MDGA2: variants seen among roughly 807,000 people sequenced by gnomAD.
MDGA2 encodes the protein MAM domain-containing glycosylphosphatidylinositol anchor protein 2.
A neutral mutation model predicts 117.8 loss-of-function variants in MDGA2; 40 were observed. The ratio of observed to expected loss-of-function variants is 0.34; its 90% confidence interval spans 0.26 to 0.44. The LOEUF (loss-of-function observed/expected upper bound fraction) is 0.44, where lower values mean the gene tolerates loss of function less well. Ranked by LOEUF, MDGA2 falls within the 20% of genes least tolerant of loss-of-function variation. The pLI, the probability that MDGA2 is intolerant of heterozygous loss-of-function variation, is 1.00. For missense variants in MDGA2, 1,123 were observed against 1,250.6 expected (o/e 0.90, Z 1.54); for synonymous variants, 452 against 439.0 (o/e 1.03, Z -0.37).
intron 8 of MDGA2, among the ~76,000 whole-genome samples, chr14:46,983,885 G>C (rs1886772331): frequency 6.6e-6 from 1 of 151,736 alleles, no homozygotes; most frequent in African/African-American, 2.4e-5. Flanking sequence ...AAATTAGTTT[G>C]AATATTTATT....
chr14:47,581,730 A>T (rs142401225), intron 1 of MDGA2, among the ~76,000 whole-genome samples: 1,752 of 152,008 alleles, frequency 0.012, 18 homozygotes, highest in Middle Eastern at 0.02. Context: ...CCAGTGGCCA[A>T]TGGTCCCAAA....
intron 8 of MDGA2, 128 bp downstream of exon 8, chr14:47,034,883 C>A: frequency 2.5e-6 from 2 of 804,316 alleles, no homozygotes; most frequent in East Asian, 2.6e-5. Flanking sequence ...TTCATTCAAT[C>A]CAATGTAGAA....
intron 6 of MDGA2, among the ~76,000 whole-genome samples, chr14:47,069,653 G>A (rs549971994): frequency 1.2e-4 from 18 of 152,290 alleles, no homozygotes; most frequent in African/African-American, 4.3e-4. Flanking sequence ...AAGCCATGGA[G>A]TTTTCCCTTG....
At chr14:47,126,425 T>C (rs145749362) in intron 5 of MDGA2, among the ~76,000 whole-genome samples, 9 of 152,116 alleles carry the variant, frequency 5.9e-5, no homozygotes, top group Non-Finnish European at 1.3e-4. Flanking sequence ...GTGTGATACA[T>C]AATGACACTT....
intron 8 of MDGA2, among the ~76,000 whole-genome samples, chr14:46,999,453 C>A (rs1887424105): frequency 6.6e-6 from 1 of 151,866 alleles, no homozygotes; most frequent in South Asian, 2.1e-4. Flanking sequence ...TTACTAGATT[C>A]TAAATGAAGT....
intron 9 of MDGA2, among the ~76,000 whole-genome samples, chr14:46,951,763 C>T (rs77246423): frequency 0.12 from 17,890 of 151,930 alleles, 2,010 homozygotes; most frequent in African/African-American, 0.27. Flanking sequence ...AACAGTCTGA[C>T]TGCAGCCTTG....
At chr14:46,872,402 A>G (rs1336944809) in intron 14 of MDGA2, among the ~76,000 whole-genome samples, 3 of 151,946 alleles carry the variant, frequency 2.0e-5, no homozygotes, top group Admixed American at 6.6e-5. Context: ...CCTCTTTTGC[A>G]TACCAGAGAA....
intron 5 of MDGA2, among the ~76,000 whole-genome samples, chr14:47,100,504 CA>C (rs1880243918): frequency 6.6e-6 from 1 of 152,004 alleles, no homozygotes; most frequent in Non-Finnish European, 1.5e-5. Context: ...CCCTTATTAC[CA>C]TGAAAAAAGT....
At position 47,412,510 on chromosome 14, in the gene MDGA2, G is replaced by C. The variant is rs576749786; in HGVS notation, c.281-110960C>G. ...TTGCCCAGGTGGGTCTCGAAATCCTGGCTTCAAGCAATCCTCTAGCCTTGG... is the reference window on the plus strand; with the variant it reads ...TTGCCCAGGTGGGTCTCGAAATCCTCGCTTCAAGCAATCCTCTAGCCTTGG... On this transcript the variant is annotated intron_variant, in intron 1 of 16. Transcript: ENST00000399232. 2.0e-4 allele frequency among the ~76,000 whole-genome samples: 30 copies of C among 152,272 alleles called. 1 individual carries two copies. The highest frequency in any genetic ancestry group is 3.7e-4 in the Non-Finnish European group (25 of 68,018).
rs577409816 is a variant in MDGA2 at position 47,525,738 on chromosome 14, TTTCTC to T, written c.280+148774_280+148778del. 5.1e-3 allele frequency among the ~76,000 whole-genome samples: 781 copies of T among 151,924 alleles called. 3 individuals are homozygous for T. The highest frequency in any genetic ancestry group is 0.018 in the African/African-American group (728 of 41,456). ...CTTAATTGATTTTAAGTTTTTTTTT[TTTCTC>T]TCTCTCTTTTTTTGCAGCAGTTTTA... On this transcript the variant is annotated intron_variant, in intron 1 of 16. Transcript: ENST00000399232.
chr14:47,508,517 G>C (rs761987773), intron 1 of MDGA2, among the ~76,000 whole-genome samples: 1 of 152,114 alleles, frequency 6.6e-6, no homozygotes, highest in African/African-American at 2.4e-5. Flanking sequence ...AGTAAGAAAG[G>C]TTATTTGTTG....
At chr14:47,460,170 T>C (rs7144791) in intron 1 of MDGA2, among the ~76,000 whole-genome samples, 4,881 of 152,274 alleles carry the variant, frequency 0.032, 263 homozygotes, top group African/African-American at 0.11. Flanking sequence ...ATTCTCTTTT[T>C]AGATATGCCT....
chr14:47,415,877 G>A (rs931792610), intron 1 of MDGA2, among the ~76,000 whole-genome samples: 1 of 152,058 alleles, frequency 6.6e-6, no homozygotes, highest in Non-Finnish European at 1.5e-5. Flanking sequence ...TTATAAGGGT[G>A]CTAATGCGAA....
At chr14:47,314,495 T>C (rs954345068) in intron 1 of MDGA2, among the ~76,000 whole-genome samples, 6 of 152,022 alleles carry the variant, frequency 3.9e-5, no homozygotes, top group South Asian at 2.1e-4. Flanking sequence ...CTGCACAATA[T>C]AGCAGGACCT....
chr14:47,000,428 A>AAT (rs1297785755), intron 8 of MDGA2, among the ~76,000 whole-genome samples: 1 of 87,448 alleles, frequency 1.1e-5, no homozygotes. Context: ...TACACATATA[A>AAT]ATATATATAC....
At chr14:47,318,557 CAT>C (rs1889878902) in intron 1 of MDGA2, among the ~76,000 whole-genome samples, 2 of 152,116 alleles carry the variant, frequency 1.3e-5, no homozygotes, top group Non-Finnish European at 2.9e-5. Context: ...GTTTTACACA[CAT>C]ATCTGTGATT....
chr14:47,603,720 T>G (rs1896689487), intron 1 of MDGA2, among the ~76,000 whole-genome samples: 1 of 152,126 alleles, frequency 6.6e-6, no homozygotes, highest in South Asian at 2.1e-4. Context: ...ATGATTTGGA[T>G]GTGTCCCCTC....
intron 3 of MDGA2, among the ~76,000 whole-genome samples, chr14:47,170,023 A>C (rs1884054309): frequency 6.6e-6 from 1 of 152,148 alleles, no homozygotes; most frequent in African/African-American, 2.4e-5. Flanking sequence ...TGTTAAATAT[A>C]ATATTGCAAC....
At chr14:47,570,677 T>C (rs1008357511) in intron 1 of MDGA2, among the ~76,000 whole-genome samples, 3 of 152,174 alleles carry the variant, frequency 2.0e-5, no homozygotes, top group Admixed American at 6.5e-5. Context: ...ATTTAATAAA[T>C]GGTGTTGGGA....
Sources: allele counts gnomAD v4.1 joint callset (sites outside exome capture counted in the v4.1 genomes callset), GRCh38; gene constraint gnomAD v4.1.1; transcripts MANE v1.5; gene names NCBI Gene and HGNC (gene_info 2026-07-23, HGNC 2026-07-21).